Variants in PHIP observed in about 807,000 individuals in gnomAD.
PHIP encodes the protein PHIP subunit of CUL4-Ring ligase complex, also known as PH-interacting protein.
A neutral mutation model predicts 236.8 loss-of-function variants in PHIP; 54 were observed. That is an observed-to-expected ratio of 0.23 (90% CI 0.18 to 0.29). The LOEUF is 0.29. PHIP is among the 10% of genes least tolerant of loss of function. The pLI, the probability that PHIP is intolerant of heterozygous loss-of-function variation, is 1.00. For missense variants in PHIP, 1,370 were observed against 2,190.8 expected (o/e 0.63, Z 7.48); for synonymous variants, 756 against 718.9 (o/e 1.05, Z -0.83).
At chr6:79,036,375 CCTACAATTTA>C (rs1771932880) in intron 7 of PHIP, among the ~76,000 whole-genome samples, 1 of 152,076 alleles carries the variant, frequency 6.6e-6, no homozygotes, top group African/African-American at 2.4e-5. Flanking sequence ...ATCCAGTTTT[CCTACAATTTA>C]CTGTCCTCTA....
intron 22 of PHIP, among the ~76,000 whole-genome samples, chr6:78,984,854 T>C (rs370967583): frequency 2.4e-4 from 36 of 152,168 alleles, no homozygotes; most frequent in African/African-American, 8.0e-4. Flanking sequence ...TATTAAGACC[T>C]TGCAAAGTTA....
chr6:78,971,794 C>T (rs1767582260), intron 24 of PHIP, among the ~76,000 whole-genome samples: 1 of 152,180 alleles, frequency 6.6e-6, no homozygotes, highest in Non-Finnish European at 1.5e-5. Flanking sequence ...TCGGGTCACT[C>T]CCACCCGAAT....
At chr6:79,071,038 T>C (rs549769894) in intron 4 of PHIP, among the ~76,000 whole-genome samples, 24 of 152,296 alleles carry the variant, frequency 1.6e-4, no homozygotes, top group Non-Finnish European at 5.9e-5. Flanking sequence ...CTCATTCTCC[T>C]TACAATTTAG....
At chr6:79,039,367 A>G (rs998027287) in intron 7 of PHIP, among the ~76,000 whole-genome samples, 1 of 152,118 alleles carries the variant, frequency 6.6e-6, no homozygotes, top group African/African-American at 2.4e-5. Flanking sequence ...GCAATATCCA[A>G]TTCGACTCCT....
chr6:79,018,732 C>G (rs534225190), intron 10 of PHIP, among the ~76,000 whole-genome samples: 1 of 151,874 alleles, frequency 6.6e-6, no homozygotes, highest in African/African-American at 2.4e-5. Flanking sequence ...CTATAGAATA[C>G]CTTCAAAATC....
Position 79,019,097 on chromosome 6 carries a change from A to C in PHIP, c.986T>G (p.Phe329Cys). 1.9e-6 allele frequency: 3 copies of C among 1,611,896 alleles called. No homozygotes were observed. The highest frequency in any genetic ancestry group is 2.5e-6 in the Non-Finnish European group (3 of 1,178,136). ...GAATGAGGGAAACTTACCAGCACTAAAAGAAGAACAGATCATTTGAACTCC... is the reference window on the plus strand; with the variant it reads ...GAATGAGGGAAACTTACCAGCACTACAAGAAGAACAGATCATTTGAACTCC... ...RPGVQMICSS[F>C]SAGGMFLATG... The change falls in exon 10 of 40, where the codon TTT (phenylalanine) becomes TGT (cysteine). Residue 329 changes from phenylalanine to cysteine, a missense_variant. By Grantham distance (205) the Phe-to-Cys change is radical (BLOSUM62 -2). Around this residue, in one of 14 missense-constraint regions of PHIP, gnomAD observed 188 missense variants for 354.3 expected, o/e 0.53. Transcript: ENST00000275034.
intron 32 of PHIP, chr6:78,957,267 GA>G (rs1007343234): frequency 6.6e-6 from 1 of 151,610 alleles, no homozygotes; most frequent in African/African-American, 2.4e-5. Context: ...GATTCTCTTT[GA>G]AAAAACAGAT....
chr6:79,047,751 T>C (rs144536178), intron 6 of PHIP, among the ~76,000 whole-genome samples: 2 of 152,286 alleles, frequency 1.3e-5, no homozygotes, highest in Non-Finnish European at 2.9e-5. Flanking sequence ...TCTACTGCTT[T>C]AATATGAAGT....
intron 35 of PHIP, among the ~76,000 whole-genome samples, chr6:78,949,647 G>A (rs1295505505): frequency 6.6e-6 from 1 of 151,796 alleles, no homozygotes; most frequent in Admixed American, 6.6e-5. Flanking sequence ...GCCCTGTGTG[G>A]CATGTGGTAA....
chr6:79,001,414 ATC>A (rs1208753466), intron 17 of PHIP, among the ~76,000 whole-genome samples: 3 of 152,062 alleles, frequency 2.0e-5, no homozygotes, highest in Admixed American at 6.6e-5. Flanking sequence ...GCAATCTACA[ATC>A]TCTCTCACAT....
intron 4 of PHIP, among the ~76,000 whole-genome samples, chr6:79,073,224 GAAT>G (rs1773981169): frequency 6.6e-6 from 1 of 152,126 alleles, no homozygotes; most frequent in African/African-American, 2.4e-5. Context: ...AGCATCAATA[GAAT>G]AATTCTATAT....
At chr6:79,014,983 A>C (rs557067350) in intron 15 of PHIP, 99 bp downstream of exon 15, 3 of 914,554 alleles carry the variant, frequency 3.3e-6, no homozygotes, top group East Asian at 2.5e-5. Flanking sequence ...AAAATAATGA[A>C]CCAATTTTTA....
intron 29 of PHIP, among the ~76,000 whole-genome samples, chr6:78,964,721 G>A (rs117610589): frequency 0.02 from 3,055 of 152,188 alleles, 51 homozygotes; most frequent in Admixed American, 0.065. Flanking sequence ...TCCAACACCT[G>A]ACCTCGTGAT....
rs774038095 is a variant in PHIP at position 78,958,497 on chromosome 6, C to T, written c.3760G>A (p.Asp1254Asn). Residue 1254 changes from aspartate (D) to asparagine (N), a missense_variant, in exon 32 of 40, where the codon GAT (aspartate) becomes AAT (asparagine). Asp to Asn is a conservative substitution (Grantham distance 23). This residue lies in a region of PHIP where 238 missense variants were observed against 398.5 expected (regional missense o/e 0.60). Transcript: ENST00000275034. The part of the protein sequence containing the change: ...PIVKSAKFVT[D>N]LLLHFIKDQT... Reference sequence around the variant, plus strand: ...TACTTTATAAAATGTAGAAGAAGATCAGTCACGAATTTAGCAGATTTCACA... The same window carrying T: ...TACTTTATAAAATGTAGAAGAAGATTAGTCACGAATTTAGCAGATTTCACA... 3.2e-6 allele frequency: 5 copies of T among 1,541,956 alleles called. No homozygotes were observed. The highest frequency in any genetic ancestry group is 4.5e-6 in the Non-Finnish European group (5 of 1,115,740).
rs1319640426 is a variant in PHIP at position 78,937,161 on chromosome 6, A to G, written c.*3532T>C. On this transcript the variant is annotated 3_prime_UTR_variant, in exon 40 of 40. Coordinates refer to ENST00000275034, the MANE Select transcript of PHIP (RefSeq NM_017934.7). ...TCTTGGTCCTTTCAACCTACTCAAAAATAAATTTCAGGTAACAAAAACATT... is the reference window on the plus strand; with the variant it reads ...TCTTGGTCCTTTCAACCTACTCAAAGATAAATTTCAGGTAACAAAAACATT... 6.6e-6 allele frequency: 1 copy of G among 151,756 alleles called. No homozygotes were observed. The highest frequency in any genetic ancestry group is 6.6e-5 in the Admixed American group (1 of 15,234). 9.4% of individuals were successfully genotyped at this position (151,756 alleles called of 1,614,324 possible). A position where few individuals can be genotyped will look rare whatever the true frequency, so the allele number is the denominator to read the frequency against.
Position 79,078,252 on chromosome 6 carries a change from A to T in PHIP, c.-184T>A. On this transcript the variant is annotated 5_prime_UTR_variant, in exon 1 of 40. Transcript: ENST00000275034. Reference sequence around the variant, plus strand: ...AGGAAACAACAACTCTCAGGCAGCGACTACGGCCGTGGCCGCCTCCGCCGC... The same window carrying T: ...AGGAAACAACAACTCTCAGGCAGCGTCTACGGCCGTGGCCGCCTCCGCCGC... 1 of 568,596 alleles carries T rather than the reference A, an allele frequency of 1.8e-6. No individual in the cohort carries two copies. The highest frequency in any genetic ancestry group is 3.1e-6 in the Non-Finnish European group (1 of 325,698). 35.2% of individuals were successfully genotyped at this position (568,596 alleles called of 1,614,324 possible).
At chr6:79,006,541 T>C (rs1770300784) in intron 15 of PHIP, among the ~76,000 whole-genome samples, 1 of 151,948 alleles carries the variant, frequency 6.6e-6, no homozygotes, top group Admixed American at 6.6e-5. Context: ...AGCAGTAAGG[T>C]TTATCTTCAA....
chr6:78,997,353 C>A, intron 19 of PHIP, 61 bp downstream of exon 19: 2 of 1,425,526 alleles, frequency 1.4e-6, no homozygotes, highest in Non-Finnish European at 2.0e-6. Context: ...GCTGTGAATG[C>A]TGTTAACTCC....
chr6:79,066,041 T>G (rs1031841590), intron 4 of PHIP, among the ~76,000 whole-genome samples: 4 of 152,002 alleles, frequency 2.6e-5, no homozygotes, highest in African/African-American at 9.7e-5. Flanking sequence ...AAGACACATT[T>G]AAAATAATAT....
Sources: gnomAD v4.1 joint callset for allele counts (sites outside exome capture counted in the v4.1 genomes callset) on GRCh38, gnomAD v4.1.1 for gene constraint, gnomAD v4.1.1 regional missense constraint, MANE v1.5 for transcripts, NCBI Gene and HGNC (gene_info 2026-07-23, HGNC 2026-07-21) for gene names.